The following SLC22A6 variants were observed in gnomAD, a reference collection of about 807,000 sequenced individuals.
SLC22A6 encodes the protein solute carrier family 22 member 6.
In SLC22A6, 45 loss-of-function variants were observed where a neutral mutation model predicts 56.7. The ratio of observed to expected loss-of-function variants is 0.79; its 90% confidence interval spans 0.63 to 1.02. The LOEUF is 1.02. SLC22A6 is among the 50% of genes least tolerant of loss of function. SLC22A6 has a pLI of 0.00. For missense variants in SLC22A6, 606 were observed against 713.8 expected (o/e 0.85, Z 1.72); for synonymous variants, 291 against 295.9 (o/e 0.98, Z 0.17).
intron 3 of SLC22A6, among the ~76,000 whole-genome samples, chr11:62,982,433 G>A (rs1441311518): frequency 6.6e-6 from 1 of 152,146 alleles, no homozygotes; most frequent in Non-Finnish European, 1.5e-5. Flanking sequence ...TGAAGTAGGA[G>A]TGGGACCACC....
rs11568631 is a variant in SLC22A6 at position 62,984,079 on chromosome 11, A to G, written c.370-32T>C. 1.3e-4 allele frequency: 192 copies of G among 1,482,216 alleles called. No homozygotes were observed. The African/African-American group carries it at 2.2e-3, about 17-fold the overall frequency. The allele number at this position is 1,482,216 out of a possible 1,614,324, so 91.8% of individuals were successfully genotyped here. On this transcript the variant is annotated intron_variant, in intron 1 of 9. Coordinates refer to ENST00000360421, the MANE Select transcript of SLC22A6 (RefSeq NM_153276.3). ...GGAGAGGAGCAAGGGTCAGGCAGAG[A>G]TGAGCCTGGCTTCAGAGAATCCCCT...
intron 7 of SLC22A6, 28 bp downstream of exon 7, chr11:62,979,706 A>T: frequency 6.2e-7 from 1 of 1,609,524 alleles, no homozygotes; most frequent in Non-Finnish European, 8.5e-7. Flanking sequence ...GCTGAGGAGA[A>T]GGGGCCAAGG....
rs2086280228 is a variant in SLC22A6, at chr11:62,983,600, A to G, written c.565T>C (p.Cys189Arg). ...AAFAPNFPIY[C>R]AFRLLSGMAL... ...ATGCCCGAGAGGAGCCGGAAGGCGC[A>G]GTAGATGGGGAAGTTGGGTGCGAAG... Residue 189 changes from cysteine (C) to arginine (R), a missense_variant, in exon 3 of 10, where the codon TGC (cysteine) becomes CGC (arginine). Transcript: ENST00000360421. This position sits in a 1 kb window ranked among gnomAD's most constrained non-coding sequence, Gnocchi z 4.5. 5 of 1,599,668 alleles carry G rather than the reference A, an allele frequency of 3.1e-6. No homozygotes were observed. Among genetic ancestry groups the G allele is most frequent in the Admixed American group, 1.7e-5 (1 of 57,740 alleles).
Position 62,984,844 on chromosome 11 carries a change from G to C in SLC22A6, c.-154C>G, listed in dbSNP as rs1160024478. ...GGAGCTGAGTCCGAGCTGCTCTGTGGGGGGACAGCAGCCTCCTTGGCTGCT... is the reference window on the plus strand; with the variant it reads ...GGAGCTGAGTCCGAGCTGCTCTGTGCGGGGACAGCAGCCTCCTTGGCTGCT... On this transcript the variant is annotated 5_prime_UTR_variant, in exon 1 of 10. Transcript: ENST00000360421. 4 of 730,924 alleles carry C rather than the reference G, an allele frequency of 5.5e-6. No individual in the cohort carries two copies. Among genetic ancestry groups the C allele is most frequent in the East Asian group, 2.7e-5 (1 of 36,780 alleles). 45.3% of individuals were successfully genotyped at this position (730,924 alleles called of 1,614,324 possible).
rs376711110 is a variant in SLC22A6, at chr11:62,981,094, G to A, written c.928C>T (p.Arg310Trp). The change falls in exon 6 of 10, where the codon CGG becomes TGG. Residue 310 changes from arginine (R) to tryptophan (W), a missense_variant. Transcript: ENST00000360421. ...EGAKLSMEVLRASLQKELTMG... is the reference protein window; with the variant it reads ...EGAKLSMEVLWASLQKELTMG... ...GTCAGCTCCTTCTGCAGACTGGCCC[G>A]GAGTACCTGCTGGGACCGGCAGAGC... The A allele has an allele frequency of 2.0e-5, 32 of 1,611,512 alleles. No individual in the cohort carries two copies. The Admixed American group carries it at 3.5e-4, about 18-fold the overall frequency.
intron 3 of SLC22A6, among the ~76,000 whole-genome samples, chr11:62,982,962 T>C (rs1273143516): frequency 1.3e-5 from 2 of 152,160 alleles, no homozygotes; most frequent in East Asian, 3.9e-4. Flanking sequence ...CTCCTTTGAA[T>C]ACAGTTCTCA....
rs369866532 is a variant in SLC22A6, at chr11:62,981,128, C to T, written c.922-28G>A. The T allele has an allele frequency of 2.9e-5, 47 of 1,607,870 alleles. 1 individual carries two copies. Among genetic ancestry groups the T allele is most frequent in the African/African-American group, 1.7e-4 (13 of 74,792 alleles). ...GCTGGGACCGGCAGAGCTCAGGGCC[C>T]GGGATCCTCCCAAGGAGCTCCTCCC... On this transcript the variant is annotated intron_variant, in intron 5 of 9. Transcript: ENST00000360421.
rs767934474 is a variant in SLC22A6 at position 62,981,890 on chromosome 11, A to G, written c.749T>C (p.Leu250Pro). ...VAYAVPHWRH[L>P]QLLVSAPFFA... ...AAAAGGCGCAGAGACCAGTAGCTGC[A>G]GGTGGCGCCAGTGGGGCACAGCGTA... Residue 250 changes from leucine (L) to proline (P), a missense_variant, in exon 4 of 10, where the codon CTG (leucine) becomes CCG (proline). Coordinates refer to ENST00000360421, the MANE Select transcript of SLC22A6 (RefSeq NM_153276.3). 6.2e-7 allele frequency: 1 copy of G among 1,613,966 alleles called. No homozygotes were observed. The highest frequency in any genetic ancestry group is 8.5e-7 in the Non-Finnish European group (1 of 1,179,932).
chr11:62,977,029 C>T (rs143041027), intron 9 of SLC22A6, 148 bp from the exon 10 acceptor site: 1 of 1,536,528 alleles, frequency 6.5e-7, no homozygotes, highest in African/African-American at 1.4e-5. Context: ...GCTGGGATCC[C>T]CAGGAAGGAT....
In SLC22A6 at chr11:62,984,372, C is replaced by T. The variant is rs565805838; in HGVS notation, c.319G>A (p.Asp107Asn). 1.6e-5 allele frequency: 26 copies of T among 1,613,762 alleles called. No individual in the cohort carries two copies. Among genetic ancestry groups the T allele is most frequent in the African/African-American group, 1.1e-4 (8 of 74,878 alleles). Residue 107 changes from aspartate (D) to asparagine (N), a missense_variant, in exon 1 of 10, where the codon GAT (aspartate) becomes AAT (asparagine). Physicochemically the swap from Asp to Asn is conservative, Grantham distance 23 (BLOSUM62 1). Transcript: ENST00000360421. ...NGTGATEPCT[D>N]GWIYDNSTFP... The stretch of plus-strand genomic sequence containing the variant: ...GTGCTGTTGTCATAGATCCAGCCAT[C>T]GGTGCAGGGCTCTGTGGCCCCTGTG...
intron 8 of SLC22A6, among the ~76,000 whole-genome samples, chr11:62,977,880 G>C (rs1398210212): frequency 6.6e-6 from 1 of 152,192 alleles, no homozygotes; most frequent in African/African-American, 2.4e-5. Context: ...AGAATCCCTA[G>C]GGGGAGGGAG....
chr11:62,981,755 G>A (rs1407362739), intron 4 of SLC22A6, 87 bp downstream of exon 4: 1 of 1,311,374 alleles, frequency 7.6e-7, no homozygotes, highest in East Asian at 2.5e-5. Flanking sequence ...TGTGGGATGG[G>A]ATGTGTGCTG....
intron 4 of SLC22A6, 22 bp from the exon 5 acceptor site, chr11:62,981,405 G>A: frequency 2.1e-6 from 3 of 1,412,638 alleles, no homozygotes; most frequent in Non-Finnish European, 2.9e-6. Flanking sequence ...GGTGGGGGTG[G>A]GTGTCAGCAT....
chr11:62,981,439 T>TGGGGGGGGGGGGGGGG, intron 4 of SLC22A6, 56 bp from the exon 5 acceptor site: 1 of 210,106 alleles, frequency 4.8e-6, no homozygotes, highest in South Asian at 4.9e-5. Flanking sequence ...GTCAGCTGGG[T>TGGGGGGGGGGGGGGGG]GGGGGGCTGG....
intron 5 of SLC22A6, 38 bp downstream of exon 5, chr11:62,981,222 C>T (rs771326938): frequency 9.3e-6 from 15 of 1,607,960 alleles, no homozygotes; most frequent in African/African-American, 2.7e-5. Context: ...GGGGTGAAGC[C>T]CTGGGAGGTT....
intron 1 of SLC22A6, 71 bp from the exon 2 acceptor site, chr11:62,984,118 C>G: frequency 8.0e-7 from 1 of 1,249,610 alleles, no homozygotes; most frequent in Non-Finnish European, 1.1e-6. Flanking sequence ...CCCACTTCAG[C>G]TGGTCCTCTG....
At position 62,979,503 on chromosome 11, in the gene SLC22A6, TAC is replaced by T; in HGVS notation, c.1344_1345del (p.Tyr449SerfsTer?). ...TCCCACTCACCGGATCATTGTGGGA[TAC>T]AGTTCCCCAGTATACAGGAAGATGC... On this transcript the variant is annotated frameshift_variant, in exon 8 of 10. Coordinates refer to ENST00000360421, the MANE Select transcript of SLC22A6 (RefSeq NM_153276.3). LOFTEE classifies it high-confidence loss of function. The T allele has an allele frequency of 6.2e-7, 1 of 1,609,184 alleles. No homozygotes were observed. The highest frequency in any genetic ancestry group is 8.5e-7 in the Non-Finnish European group (1 of 1,175,508).
chr11:62,984,078 G>A (rs781099253), intron 1 of SLC22A6, 31 bp from the exon 2 acceptor site: 1 of 1,481,580 alleles, frequency 6.7e-7, no homozygotes, highest in South Asian at 1.2e-5. Context: ...GTCAGGCAGA[G>A]ATGAGCCTGG....
chr11:62,977,511 C>T lies in SLC22A6; in HGVS notation c.1362-124G>A, dbSNP rs1021575002. 17 of 1,130,102 alleles carry T rather than the reference C, an allele frequency of 1.5e-5. No individual in the cohort carries two copies. The South Asian group carries it at 2.6e-4, about 17-fold the overall frequency. The allele number at this position is 1,130,102 out of a possible 1,614,324, so 70.0% of individuals were successfully genotyped here. ...GGACACTCCCGGTACCTCCTCTCTT[C>T]CCCATTTGATTAGCAAACCAATTTG... On this transcript the variant is annotated intron_variant, in intron 8 of 9. Coordinates refer to ENST00000360421, the MANE Select transcript of SLC22A6 (RefSeq NM_153276.3).
Sources: gnomAD v4.1 joint callset for allele counts (sites outside exome capture counted in the v4.1 genomes callset) on GRCh38, gnomAD v4.1.1 for gene constraint, Gnocchi (gnomAD v3.1) non-coding constraint, MANE v1.5 for transcripts, NCBI Gene and HGNC (gene_info 2026-07-23, HGNC 2026-07-21) for gene names.